Variants in HS3ST4 observed in about 807,000 individuals in gnomAD.
HS3ST4 encodes heparan sulfate glucosamine 3-O-sulfotransferase 4.
In HS3ST4, 17 loss-of-function variants were observed where a neutral mutation model predicts 29.2. The ratio of observed to expected loss-of-function variants is 0.58; its 90% CI spans 0.40 to 0.87. HS3ST4 has a LOEUF of 0.87. Among genes scored for constraint, HS3ST4 ranks in the 40% least tolerant of loss-of-function variants. The pLI is 0.00. For missense variants in HS3ST4, 627 were observed against 634.5 expected (o/e 0.99, Z 0.13); for synonymous variants, 314 against 285.7 (o/e 1.10, Z -1.00).
At chr16:25,862,877 C>A (rs1177819363) in intron 1 of HS3ST4, among the ~76,000 whole-genome samples, 1 of 152,288 alleles carries the variant, frequency 6.6e-6, no homozygotes, top group Middle Eastern at 3.4e-3. Flanking sequence ...AGTGTTTCCC[C>A]CAGTTTTAGC....
intron 1 of HS3ST4, among the ~76,000 whole-genome samples, chr16:26,120,696 G>A (rs1454778715): frequency 1.3e-5 from 2 of 152,208 alleles, no homozygotes; most frequent in Admixed American, 6.5e-5. Context: ...CTGCAGCCAG[G>A]CATGATTGAC....
intron 1 of HS3ST4, among the ~76,000 whole-genome samples, chr16:26,029,821 A>T (rs1172048573): frequency 1.3e-5 from 2 of 152,228 alleles, no homozygotes; most frequent in Non-Finnish European, 2.9e-5. Context: ...TTTCCTGGTC[A>T]TTCACCACCA....
At chr16:25,709,122 A>G (rs939969124) in intron 1 of HS3ST4, among the ~76,000 whole-genome samples, 4 of 151,876 alleles carry the variant, frequency 2.6e-5, no homozygotes, top group Admixed American at 2.6e-4. Context: ...TGTTTAAACA[A>G]TGTCACCAGA....
chr16:25,870,968 T>C (rs1174684597), intron 1 of HS3ST4, among the ~76,000 whole-genome samples: 1 of 152,196 alleles, frequency 6.6e-6, no homozygotes, highest in African/African-American at 2.4e-5. Context: ...GATCTTGGAC[T>C]CTAGTTGTTT....
intron 1 of HS3ST4, among the ~76,000 whole-genome samples, chr16:25,863,133 G>C (rs1334687198): frequency 6.6e-6 from 1 of 151,992 alleles, no homozygotes; most frequent in Non-Finnish European, 1.5e-5. Context: ...TGCATATCTT[G>C]GAATCCTTTG....
intron 1 of HS3ST4, among the ~76,000 whole-genome samples, chr16:26,028,614 G>A (rs1286925878): frequency 6.6e-6 from 1 of 152,158 alleles, no homozygotes; most frequent in African/African-American, 2.4e-5. Context: ...CAATGTGATG[G>A]GCTAGTTTCT....
chr16:25,735,918 G>C (rs1966606016), intron 1 of HS3ST4, among the ~76,000 whole-genome samples: 1 of 152,150 alleles, frequency 6.6e-6, no homozygotes, highest in African/African-American at 2.4e-5. Flanking sequence ...TCCCCTAAAG[G>C]AAAATTGAGG....
At chr16:26,108,641 G>A (rs958012311) in intron 1 of HS3ST4, among the ~76,000 whole-genome samples, 1 of 152,092 alleles carries the variant, frequency 6.6e-6, no homozygotes, top group South Asian at 2.1e-4. Context: ...CACCCCAGAG[G>A]ATCATTTTAA....
rs146048753 is a variant in HS3ST4, at chr16:26,023,399, T to C, written c.735-112213T>C. Among the ~76,000 whole-genome samples, 1,083 of 149,070 alleles carry C rather than the reference T, an allele frequency of 7.3e-3. 44 individuals are homozygous for C. The highest frequency in any genetic ancestry group is 1.7e-3 in the Non-Finnish European group (113 of 67,982). On this transcript the variant is annotated intron_variant, in intron 1 of 1. Coordinates refer to ENST00000331351, the MANE Select transcript of HS3ST4 (RefSeq NM_006040.3). ...GAATAGAATTAAAACAATTTTTTAC[T>C]GTCTTAAATTTTTTTTTTAAGACAG...
intron 1 of HS3ST4, among the ~76,000 whole-genome samples, chr16:26,134,552 G>T (rs937160871): frequency 1.3e-5 from 2 of 151,578 alleles, no homozygotes; most frequent in African/African-American, 4.8e-5. Context: ...AGTAGTGATG[G>T]GGTTTCACCA....
intron 1 of HS3ST4, among the ~76,000 whole-genome samples, chr16:25,929,280 G>A (rs544376609): frequency 2.0e-5 from 3 of 152,092 alleles, no homozygotes; most frequent in African/African-American, 7.2e-5. Context: ...CACTCAGGAG[G>A]CTCAGGCAGG....
chr16:25,926,402 A>C (rs1968403107), intron 1 of HS3ST4, among the ~76,000 whole-genome samples: 1 of 152,228 alleles, frequency 6.6e-6, no homozygotes, highest in Non-Finnish European at 1.5e-5. Flanking sequence ...CCTACAGTTT[A>C]AATACCAAGA....
At chr16:25,878,157 C>T (rs1967852262) in intron 1 of HS3ST4, among the ~76,000 whole-genome samples, 1 of 152,160 alleles carries the variant, frequency 6.6e-6, no homozygotes, top group Non-Finnish European at 1.5e-5. Context: ...ATTTCAGTTT[C>T]TTCATTTTAA....
At chr16:25,699,313 G>A (rs911948136) in intron 1 of HS3ST4, among the ~76,000 whole-genome samples, 7 of 152,104 alleles carry the variant, frequency 4.6e-5, no homozygotes, top group African/African-American at 9.7e-5. Flanking sequence ...AATACCTCCC[G>A]GATATATTGC....
intron 1 of HS3ST4, among the ~76,000 whole-genome samples, chr16:25,721,400 T>G (rs552073796): frequency 6.6e-6 from 1 of 152,298 alleles, no homozygotes; most frequent in East Asian, 1.9e-4. Flanking sequence ...TTTTTACATT[T>G]TTTTCCTTTT....
Position 26,137,147 on chromosome 16 carries a change from A to T in HS3ST4, c.*899A>T, listed in dbSNP as rs1195759778. 2.0e-5 allele frequency: 3 copies of T among 152,014 alleles called. No individual in the cohort carries two copies. The highest frequency in any genetic ancestry group is 4.4e-5 in the Non-Finnish European group (3 of 68,024). The allele number at this position is 152,014 out of a possible 1,614,324, so 9.4% of individuals were successfully genotyped here. ...AATCCTGTCCTCTTGGTGGGAGGTT[A>T]CCTTACCTGAAGACCATCTCTCCCA... On this transcript the variant is annotated 3_prime_UTR_variant, in exon 2 of 2. Transcript: ENST00000331351.
At chr16:26,040,302 T>C (rs1196637148) in intron 1 of HS3ST4, among the ~76,000 whole-genome samples, 1 of 150,868 alleles carries the variant, frequency 6.6e-6, no homozygotes, top group African/African-American at 2.4e-5. Flanking sequence ...CTTTCTTTTT[T>C]TTTTTTTTTT....
At chr16:26,005,200 ACTCAGGC>A (rs1480183363) in intron 1 of HS3ST4, among the ~76,000 whole-genome samples, 3 of 152,188 alleles carry the variant, frequency 2.0e-5, no homozygotes, top group Non-Finnish European at 4.4e-5. Context: ...AGGAGGAGAT[ACTCAGGC>A]CAGTTTGGGA....
In HS3ST4 at chr16:26,096,067, G is replaced by A. The variant is rs1898922212; in HGVS notation, c.735-39545G>A. 2.0e-5 allele frequency among the ~76,000 whole-genome samples: 3 copies of A among 152,238 alleles called. No individual in the cohort carries two copies. The South Asian group carries it at 6.2e-4, about 32-fold the overall frequency. On this transcript the variant is annotated intron_variant, in intron 1 of 1. Coordinates refer to ENST00000331351, the MANE Select transcript of HS3ST4 (RefSeq NM_006040.3). ...ATACACCCTCCCAAGACTAAACCAG[G>A]AAGAAGTTGAATCTCTGAAATTGAG...
Sources: gnomAD v4.1 joint callset for allele counts (sites outside exome capture counted in the v4.1 genomes callset) on GRCh38, gnomAD v4.1.1 for gene constraint, MANE v1.5 for transcripts, NCBI Gene and HGNC (gene_info 2026-07-23, HGNC 2026-07-21) for gene names.